Variants in ZNF253 observed in about 807,000 individuals in gnomAD.
ZNF253 encodes the protein DNA-binding protein.
In ZNF253, 8 loss-of-function variants were observed where a neutral mutation model predicts 11.9. The ratio of observed to expected loss-of-function variants is 0.67; its 90% confidence interval spans 0.40 to 1.22. The LOEUF is 1.22. Ranked by LOEUF, ZNF253 falls within the 50% of genes most tolerant of loss-of-function variation. The pLI, the probability that ZNF253 is intolerant of heterozygous loss-of-function variation, is 0.01. For missense variants in ZNF253, 485 were observed against 586.9 expected, an observed-to-expected ratio of 0.83 and a Z score of 1.79; for synonymous variants, 194 against 194.9, an observed-to-expected ratio of 1.00 and a Z score of 0.04.
rs536368669 is a variant in ZNF253, at chr19:19,892,985, C to CATT, written c.*238_*239insATT. On this transcript the variant is annotated 3_prime_UTR_variant, in exon 4 of 4. Coordinates refer to ENST00000589717, the MANE Select transcript of ZNF253 (RefSeq NM_021047.3). The stretch of plus-strand genomic sequence containing the variant: ...TAAACCTATAACAAGTTCTCAATTC[C>CATT]TTTTTTTTTGAGATGGAGTTTCACT... The CATT allele has an allele frequency of 1.2e-5, 5 of 423,632 alleles. No individual in the cohort carries two copies. Among genetic ancestry groups the CATT allele is most frequent in the African/African-American group, 8.4e-5 (4 of 47,460 alleles). The allele number at this position is 423,632 out of a possible 1,614,324, so 26.2% of individuals were successfully genotyped here.
intron 3 of ZNF253, among the ~76,000 whole-genome samples, chr19:19,888,941 C>CT (rs1195509629): frequency 6.6e-6 from 1 of 151,906 alleles, no homozygotes; most frequent in Non-Finnish European, 1.5e-5. Flanking sequence ...GGAAGGACTC[C>CT]TTTTTATATG....
intron 1 of ZNF253, among the ~76,000 whole-genome samples, chr19:19,875,101 T>C (rs2063149771): frequency 6.6e-6 from 1 of 152,096 alleles, no homozygotes. Context: ...TATCCTGGAG[T>C]CTTGCCTCAC....
Position 19,885,283 on chromosome 19 carries a change from CT to C in ZNF253, c.226+5140del, listed in dbSNP as rs753678153. ...TCTTTCTTTCTTTCTTTCTTTCTTTCTTTCTTTCTCTTTCTTTTCTTTCTTT... is the reference window on the plus strand; with the variant it reads ...TCTTTCTTTCTTTCTTTCTTTCTTTCTTCTTTCTCTTTCTTTTCTTTCTTT... On this transcript the variant is annotated intron_variant, in intron 3 of 3. Transcript: ENST00000589717. Among the ~76,000 whole-genome samples the C allele has an allele frequency of 7.2e-4, 25 of 34,690 alleles. 4 individuals are homozygous for C. The highest frequency in any genetic ancestry group is 7.2e-3 in the African/African-American group (25 of 3,494). 22.8% of individuals were successfully genotyped at this position (34,690 alleles called of 152,430 possible).
chr19:19,867,484 T>C (rs1458869181), intron 1 of ZNF253, among the ~76,000 whole-genome samples: 1 of 146,234 alleles, frequency 6.8e-6, no homozygotes, highest in Non-Finnish European at 1.5e-5. Flanking sequence ...TACCTCATCC[T>C]TTCACGTAGC....
intron 2 of ZNF253, 84 bp from the exon 3 acceptor site, chr19:19,879,967 T>A (rs2063170466): frequency 1.4e-6 from 1 of 693,996 alleles, no homozygotes; most frequent in Non-Finnish European, 2.2e-6. Context: ...GAATATTTTA[T>A]CACATCCTCT....
intron 1 of ZNF253, among the ~76,000 whole-genome samples, chr19:19,866,261 G>A (rs568667532): frequency 1.8e-4 from 28 of 152,280 alleles, no homozygotes; most frequent in Middle Eastern, 3.4e-3. Context: ...CCCAGATCAT[G>A]CAAGGACCAC....
Position 19,888,059 on chromosome 19 carries a change from C to CTATT in ZNF253, c.227-3397_227-3394dup, listed in dbSNP as rs879402720. Among the ~76,000 whole-genome samples the CTATT allele has an allele frequency of 9.2e-5, 14 of 151,516 alleles. No individual in the cohort carries two copies. The South Asian group carries it at 1.0e-3, about 11-fold the overall frequency. ...AAAGAGAAAAACTTACTAATGTTATCTATTTATTTATTTATTTATTTTGAG... is the reference window on the plus strand; with the variant it reads ...AAAGAGAAAAACTTACTAATGTTATCTATTTATTTATTTATTTATTTATTTTGAG... On this transcript the variant is annotated intron_variant, in intron 3 of 3. Transcript: ENST00000589717.
At chr19:19,887,389 C>T (rs559794025) in intron 3 of ZNF253, among the ~76,000 whole-genome samples, 52 of 151,988 alleles carry the variant, frequency 3.4e-4, no homozygotes, top group Admixed American at 2.3e-3. Flanking sequence ...CTATGCTTCC[C>T]GGGTTCAAGC....
intron 3 of ZNF253, among the ~76,000 whole-genome samples, chr19:19,888,758 G>A (rs185753536): frequency 6.6e-6 from 1 of 152,158 alleles, no homozygotes; most frequent in Non-Finnish European, 1.5e-5. Flanking sequence ...TAATAAGTAA[G>A]GAATTCTATT....
chr19:19,865,931 T>A lies in ZNF253; in HGVS notation c.-66T>A. On this transcript the variant is annotated 5_prime_UTR_variant, in exon 1 of 4. Transcript: ENST00000589717. ...TGTGCTTATAGAGGCCCGTCCTCTG[T>A]GGCCGTGTGACCTGCAAGTATTGGG... 3 of 1,608,058 alleles carry A rather than the reference T, an allele frequency of 1.9e-6. No individual in the cohort carries two copies. The South Asian group carries it at 3.3e-5, about 18-fold the overall frequency.
intron 3 of ZNF253, among the ~76,000 whole-genome samples, chr19:19,881,389 C>T (rs1311528292): frequency 6.6e-6 from 1 of 152,004 alleles, no homozygotes; most frequent in Non-Finnish European, 1.5e-5. Context: ...TAGATCACGC[C>T]TGTAATCCTA....
rs1050161916 is a variant in ZNF253, at chr19:19,894,425, G to A, written c.*1678G>A. ...TATGACCTTTTCTATAAAAGAGTAA[G>A]GACATTAAAATGTAAGATGCATGAT... On this transcript the variant is annotated 3_prime_UTR_variant, in exon 4 of 4. Transcript: ENST00000589717. 4 of 152,132 alleles carry A rather than the reference G, an allele frequency of 2.6e-5. No homozygotes were observed. Among genetic ancestry groups the A allele is most frequent in the African/African-American group, 4.8e-5 (2 of 41,424 alleles). 9.4% of individuals were successfully genotyped at this position (152,132 alleles called of 1,614,324 possible). A position where few individuals can be genotyped will look rare whatever the true frequency, so the allele number is the denominator to read the frequency against.
upstream of ZNF253, chr19:19,865,855 T>C (rs1037670187): frequency 5.3e-6 from 6 of 1,122,668 alleles, no homozygotes; most frequent in African/African-American, 7.7e-5. Context: ...TGGGGGCCTT[T>C]GTTTCTCGCT....
chr19:19,870,494 TTAGAG>T lies in ZNF253; in HGVS notation c.3+4500_3+4504del, dbSNP rs571524307. Among the ~76,000 whole-genome samples, 448 of 152,234 alleles carry T rather than the reference TTAGAG, an allele frequency of 2.9e-3. 1 individual carries two copies. The highest frequency in any genetic ancestry group is 4.4e-3 in the Non-Finnish European group (296 of 68,028). ...CCAAAGAAAATTTACTACCAAATTG[TTAGAG>T]TAGATATTAGTCTGACATGTTTATT... On this transcript the variant is annotated intron_variant, in intron 1 of 3. Transcript: ENST00000589717.
At chr19:19,882,757 G>C (rs1390600735) in intron 3 of ZNF253, among the ~76,000 whole-genome samples, 1 of 152,160 alleles carries the variant, frequency 6.6e-6, no homozygotes, top group Non-Finnish European at 1.5e-5. Context: ...TGGATCAAGA[G>C]GTCAGGAGTT....
chr19:19,875,496 C>T (rs997706276), intron 1 of ZNF253, among the ~76,000 whole-genome samples: 9 of 151,954 alleles, frequency 5.9e-5, no homozygotes, highest in African/African-American at 1.9e-4. Context: ...CCTGGGTTCA[C>T]GCCATTCTCC....
intron 3 of ZNF253, among the ~76,000 whole-genome samples, chr19:19,881,460 C>G (rs1053572269): frequency 6.6e-6 from 1 of 151,820 alleles, no homozygotes; most frequent in African/African-American, 2.4e-5. Context: ...ACCAGCCTGA[C>G]CAACATAGAG....
At chr19:19,885,289 T>TC (rs1568498961) in intron 3 of ZNF253, among the ~76,000 whole-genome samples, 1 of 37,432 alleles carries the variant, frequency 2.7e-5, no homozygotes, top group African/African-American at 4.0e-4. Context: ...CTTTCTTTCT[T>TC]TCTCTTTCTT....
chr19:19,868,119 G>T (rs1251564380), intron 1 of ZNF253, among the ~76,000 whole-genome samples: 2 of 151,596 alleles, frequency 1.3e-5, no homozygotes, highest in Non-Finnish European at 2.9e-5. Context: ...GGCAAAGTTT[G>T]CAAATTTTTT....
Sources: gnomAD v4.1 joint callset for allele counts (sites outside exome capture counted in the v4.1 genomes callset) on GRCh38, gnomAD v4.1.1 for gene constraint, MANE v1.5 for transcripts, NCBI Gene and HGNC (gene_info 2026-07-23, HGNC 2026-07-21) for gene names.